Variants in PSMA8 observed in about 807,000 individuals in gnomAD.
The protein encoded by PSMA8 is proteasome 20S subunit alpha 8.
Under a neutral mutation model 32.4 loss-of-function variants are expected in PSMA8, and 18 were observed. That is an observed-to-expected ratio of 0.56 (90% CI 0.38 to 0.82). The LOEUF is 0.82. Among genes scored for constraint, PSMA8 ranks in the 40% least tolerant of loss-of-function variants. The pLI, the probability that PSMA8 is intolerant of heterozygous loss-of-function variation, is 0.00. For synonymous variants in PSMA8, 104 were observed against 98.1 expected (o/e 1.06, Z -0.36); for missense variants, 298 against 300.7 (o/e 0.99, Z 0.07).
intron 4 of PSMA8, among the ~76,000 whole-genome samples, chr18:26,172,673 A>G (rs2055232526): frequency 1.3e-5 from 2 of 152,048 alleles, no homozygotes; most frequent in African/African-American, 4.8e-5. Flanking sequence ...TAAAAAGTAC[A>G]GTTACATTCT....
rs78628370 is a variant in PSMA8 at position 26,140,010 on chromosome 18, A to T, written c.103-4549A>T. 2,299 of 700,978 alleles carry T rather than the reference A, an allele frequency of 3.3e-3. 33 individuals are homozygous for T. The African/African-American group carries it at 0.035, about 11-fold the overall frequency. The allele number at this position is 700,978 out of a possible 1,614,324, so 43.4% of individuals were successfully genotyped here. ...TTTTTAATTCTTTGTCAAGAAATTC[A>T]TAGATCTCCATACTTTATTTTCTTC... On this transcript the variant is annotated intron_variant, in intron 1 of 6. Transcript: ENST00000415576.
At chr18:26,153,673 C>A (rs1415867368) in intron 3 of PSMA8, among the ~76,000 whole-genome samples, 1 of 151,996 alleles carries the variant, frequency 6.6e-6, no homozygotes, top group African/African-American at 2.4e-5. Flanking sequence ...TAAGAGTGTG[C>A]CTTCAGGAGC....
At chr18:26,192,295 C>CT (rs2055410153) in intron 6 of PSMA8, 24 bp from the exon 7 acceptor site, 1 of 1,454,754 alleles carries the variant, frequency 6.9e-7, no homozygotes, top group East Asian at 2.7e-5. Flanking sequence ...GACATTTGAT[C>CT]TTTAAATTTT....
At chr18:26,146,474 C>T (rs1430046787) in intron 2 of PSMA8, among the ~76,000 whole-genome samples, 4 of 152,096 alleles carry the variant, frequency 2.6e-5, no homozygotes, top group Non-Finnish European at 5.9e-5. Flanking sequence ...AATATAAAAA[C>T]ATTGAAGCAT....
chr18:26,186,960 A>G (rs1188551028), intron 6 of PSMA8, among the ~76,000 whole-genome samples: 1 of 152,224 alleles, frequency 6.6e-6, no homozygotes, highest in East Asian at 1.9e-4. Flanking sequence ...TAGCCTAGGA[A>G]GTTAGATATA....
chr18:26,189,370 T>C (rs748566899), intron 6 of PSMA8, among the ~76,000 whole-genome samples: 10 of 151,912 alleles, frequency 6.6e-5, no homozygotes, highest in Admixed American at 1.3e-4. Context: ...TCTACAAATA[T>C]AATAATTTAA....
intron 1 of PSMA8, among the ~76,000 whole-genome samples, chr18:26,143,035 A>T (rs75144055): frequency 0.01 from 1,523 of 152,290 alleles, 24 homozygotes; most frequent in African/African-American, 0.034. Flanking sequence ...TACTACCAGC[A>T]CTAGTACTGC....
chr18:26,192,301 A>C lies in PSMA8; in HGVS notation c.661-18A>C. On this transcript the variant is annotated intron_variant, in intron 6 of 6. Coordinates refer to ENST00000415576, the MANE Select transcript of PSMA8 (RefSeq NM_001025096.2). Reference sequence around the variant, plus strand: ...CGTATAACTGACATTTGATCTTTAAATTTTTTTCTCTTTTCAGATGTTTAG... The same window carrying C: ...CGTATAACTGACATTTGATCTTTAACTTTTTTTCTCTTTTCAGATGTTTAG... The C allele has an allele frequency of 6.8e-7, 1 of 1,470,236 alleles. No homozygotes were observed. The highest frequency in any genetic ancestry group is 9.0e-7 in the Non-Finnish European group (1 of 1,114,794). The allele number at this position is 1,470,236 out of a possible 1,614,324, so 91.1% of individuals were successfully genotyped here. A position where few individuals can be genotyped will look rare whatever the true frequency, so the allele number is the denominator to read the frequency against.
chr18:26,179,254 A>C, intron 6 of PSMA8, 124 bp downstream of exon 6: 2 of 577,996 alleles, frequency 3.5e-6, no homozygotes, highest in Non-Finnish European at 2.9e-6. Flanking sequence ...AATAACCTCC[A>C]CTCATTTCTG....
Position 26,172,052 on chromosome 18 carries a change from G to A in PSMA8, c.478-6778G>A, listed in dbSNP as rs113512396. On this transcript the variant is annotated intron_variant, in intron 4 of 6. Coordinates refer to ENST00000415576, the MANE Select transcript of PSMA8 (RefSeq NM_001025096.2). Reference sequence around the variant, plus strand: ...GCATGGAGAGTCTCCTTGTTTTATAGCAAGCAATAAGGTAGCCTGCCCTTT... The same window carrying A: ...GCATGGAGAGTCTCCTTGTTTTATAACAAGCAATAAGGTAGCCTGCCCTTT... 1.6e-3 allele frequency among the ~76,000 whole-genome samples: 238 copies of A among 152,280 alleles called. 2 individuals are homozygous for A. The highest frequency in any genetic ancestry group is 5.6e-3 in the African/African-American group (234 of 41,572).
At chr18:26,174,185 C>T (rs1402150497) in intron 4 of PSMA8, among the ~76,000 whole-genome samples, 1 of 152,168 alleles carries the variant, frequency 6.6e-6, no homozygotes, top group Non-Finnish European at 1.5e-5. Context: ...TGAAATGATG[C>T]TTCTAAATGC....
chr18:26,141,870 GA>G (rs1048974345), intron 1 of PSMA8, among the ~76,000 whole-genome samples: 3 of 150,954 alleles, frequency 2.0e-5, no homozygotes, highest in African/African-American at 7.3e-5. Flanking sequence ...ATATTTTGTA[GA>G]GATATAATCC....
intron 3 of PSMA8, among the ~76,000 whole-genome samples, chr18:26,156,586 T>C (rs2144303210): frequency 6.6e-6 from 1 of 151,500 alleles, no homozygotes; most frequent in East Asian, 1.9e-4. Flanking sequence ...ATGTCCTTAT[T>C]CATATGTGGA....
At chr18:26,186,602 C>G (rs2144359169) in intron 6 of PSMA8, among the ~76,000 whole-genome samples, 1 of 152,190 alleles carries the variant, frequency 6.6e-6, no homozygotes, top group Middle Eastern at 3.4e-3. Flanking sequence ...ATAGTATTTA[C>G]TAAATATGAA....
intron 1 of PSMA8, among the ~76,000 whole-genome samples, chr18:26,141,425 A>T (rs1022458988): frequency 6.6e-6 from 1 of 152,160 alleles, no homozygotes; most frequent in Admixed American, 6.5e-5. Context: ...TTGTCTTGTG[A>T]CCAATAAATT....
At chr18:26,136,518 G>A (rs946302248) in intron 1 of PSMA8, among the ~76,000 whole-genome samples, 10 of 152,158 alleles carry the variant, frequency 6.6e-5, no homozygotes, top group Non-Finnish European at 1.3e-4. Context: ...GAGGAAAGGG[G>A]AAAACACCTT....
chr18:26,185,273 A>T (rs1411149233), intron 6 of PSMA8, among the ~76,000 whole-genome samples: 8 of 150,528 alleles, frequency 5.3e-5, no homozygotes, highest in African/African-American at 2.0e-4. Context: ...ACTCATAGTG[A>T]CTTAAAGAAC....
chr18:26,156,750 A>G (rs2055093134), intron 3 of PSMA8, among the ~76,000 whole-genome samples: 1 of 149,318 alleles, frequency 6.7e-6, no homozygotes, highest in Non-Finnish European at 1.5e-5. Flanking sequence ...TATTGTATAT[A>G]ATATATACAC....
Position 26,179,296 on chromosome 18 carries a change from G to GT in PSMA8, c.660+182dup, listed in dbSNP as rs36120364. ...TACCGGTTTTTTGTTTGTTTTTTGT[G>GT]TTTTTTTTTTTTTTTTAAATAGAGA... On this transcript the variant is annotated intron_variant, in intron 6 of 6. Coordinates refer to ENST00000415576, the MANE Select transcript of PSMA8 (RefSeq NM_001025096.2). Among the ~76,000 whole-genome samples the GT allele has an allele frequency of 2.1e-3, 288 of 139,046 alleles. 1 individual carries two copies. The highest frequency in any genetic ancestry group is 5.1e-3 in the South Asian group (22 of 4,320). The allele number at this position is 139,046 out of a possible 152,430, so 91.2% of individuals were successfully genotyped here.
Sources: allele counts gnomAD v4.1 joint callset (sites outside exome capture counted in the v4.1 genomes callset), GRCh38; gene constraint gnomAD v4.1.1; transcripts MANE v1.5; gene names NCBI Gene and HGNC (gene_info 2026-07-23, HGNC 2026-07-21).